NLRC4: variants seen among roughly 807,000 people sequenced by gnomAD.
NLRC4 encodes the protein NLR family CARD domain-containing protein 4.
A neutral mutation model predicts 79.9 loss-of-function variants in NLRC4; 63 were observed. The observed-to-expected ratio is 0.79, with a 90% CI of 0.64 to 0.97. NLRC4 has a LOEUF of 0.97. Ranked by LOEUF, NLRC4 falls within the 50% of genes least tolerant of loss-of-function variation. The pLI is 0.00. For synonymous variants in NLRC4, 461 were observed against 456.5 expected, an observed-to-expected ratio of 1.01 and a Z score of -0.12; for missense variants, 1,074 against 1,215.2, an observed-to-expected ratio of 0.88 and a Z score of 1.73.
In NLRC4 at chr2:32,224,490, T is replaced by G; in HGVS notation, c.3058A>C (p.Lys1020Gln). ...DDLSVITGAF[K>Q]LVTA The stretch of plus-strand genomic sequence containing the variant: ...CACTTTATTTAAGCAGTTACTAGTT[T>G]AAAAGCACCTGTAATAACACTGAGA... Residue 1020 changes from lysine (K) to glutamine (Q), a missense_variant, in exon 9 of 9, where the codon AAA (lysine) becomes CAA (glutamine). Physicochemically the swap from Lys to Gln is moderately conservative, Grantham distance 53. Transcript: ENST00000402280. 6.2e-7 allele frequency: 1 copy of G among 1,604,488 alleles called. No individual in the cohort carries two copies. Among genetic ancestry groups the G allele is most frequent in the Non-Finnish European group, 8.5e-7 (1 of 1,175,526 alleles).
chr2:32,250,362 G>A lies in NLRC4; in HGVS notation c.1502C>T (p.Ala501Val). Residue 501 changes from alanine to valine, a missense_variant, in exon 4 of 9, where the codon GCC becomes GTC. Transcript: ENST00000402280. The surrounding 1 kb of genome is among the most constrained non-coding windows in gnomAD (Gnocchi z 4.9). Reference sequence around the variant, plus strand: ...GAGGTGCTTCATAACAGCCCTGGTGGCTTCCACAGATGACCCACAGGTGTA... The same window carrying A: ...GAGGTGCTTCATAACAGCCCTGGTGACTTCCACAGATGACCCACAGGTGTA... ...LRYTCGSSVE[A>V]TRAVMKHLAA... is the part of the protein sequence containing the mutation. 1 of 1,614,190 alleles carries A rather than the reference G, an allele frequency of 6.2e-7. No individual in the cohort carries two copies. The highest frequency in any genetic ancestry group is 8.5e-7 in the Non-Finnish European group (1 of 1,180,034).
chr2:32,259,262 A>ATTTTTTTTTTTTTT lies in NLRC4; in HGVS notation c.-118-2383_-118-2370dup, dbSNP rs57570626. On this transcript the variant is annotated intron_variant, in intron 1 of 8. Coordinates refer to ENST00000402280, the MANE Select transcript of NLRC4 (RefSeq NM_001199138.2). ...AGGTGTGTGCCACCATGCCTGGCTA[A>ATTTTTTTTTTTTTT]TTTTTTTTTTTTTTTTTTTTTTTTT... Among the ~76,000 whole-genome samples the ATTTTTTTTTTTTTT allele has an allele frequency of 1.7e-4, 9 of 52,894 alleles. 1 individual carries two copies. The highest frequency in any genetic ancestry group is 9.1e-3 in the Middle Eastern group (1 of 110). The allele number at this position is 52,894 out of a possible 152,430, so 34.7% of individuals were successfully genotyped here. A position where few individuals can be genotyped will look rare whatever the true frequency, so the allele number is the denominator to read the frequency against.
intron 8 of NLRC4, among the ~76,000 whole-genome samples, chr2:32,226,924 C>A (rs940943237): frequency 1.3e-5 from 2 of 151,964 alleles, no homozygotes; most frequent in Admixed American, 6.6e-5. Flanking sequence ...TAGTTGTTCC[C>A]AAAACTGTCT....
rs777502913 is a variant in NLRC4 at position 32,249,953 on chromosome 2, T to C, written c.1911A>G (p.Glu637=). The stretch of plus-strand genomic sequence containing the variant: ...TGGGAATGTAGGTTTCTGGGGCCTC[T>C]TCCATGTGGATTCCACCTGTGTCTT... ...AAEDTGGIHM[E]EAPETYIPSR... is the part of the protein sequence containing the mutation. Residue 637 remains glutamate (E), a synonymous_variant, in exon 4 of 9, where the codon GAA becomes GAG. Transcript: ENST00000402280. 2 of 1,614,206 alleles carry C rather than the reference T, an allele frequency of 1.2e-6. No homozygotes were observed. Among genetic ancestry groups the C allele is most frequent in the Non-Finnish European group, 8.5e-7 (1 of 1,180,042 alleles).
At chr2:32,261,919 A>G (rs998421602) in intron 1 of NLRC4, among the ~76,000 whole-genome samples, 1 of 151,400 alleles carries the variant, frequency 6.6e-6, no homozygotes. Flanking sequence ...CGTCTCTACT[A>G]AAAATACAAG....
chr2:32,263,624 G>A (rs1280161475), intron 1 of NLRC4, among the ~76,000 whole-genome samples: 1 of 152,124 alleles, frequency 6.6e-6, no homozygotes, highest in East Asian at 1.9e-4. Flanking sequence ...AGGAAATCGG[G>A]ACACACAAAG....
At chr2:32,234,094 A>T (rs1686617391) in intron 8 of NLRC4, among the ~76,000 whole-genome samples, 1 of 152,124 alleles carries the variant, frequency 6.6e-6, no homozygotes, top group Admixed American at 6.5e-5. Context: ...AAAACAGTTT[A>T]AATAGGGCCG....
chr2:32,251,375 G>T lies in NLRC4; in HGVS notation c.489C>A (p.Ser163Arg), dbSNP rs1415927391. The T allele has an allele frequency of 6.2e-7, 1 of 1,614,060 alleles. No homozygotes were observed. The highest frequency in any genetic ancestry group is 8.5e-7 in the Non-Finnish European group (1 of 1,179,922). The change falls in exon 4 of 9, where the codon AGC (serine) becomes AGA (arginine). Residue 163 changes from serine to arginine, a missense_variant. Ser to Arg is a moderately radical substitution (Grantham distance 110). Transcript: ENST00000402280. The stretch of plus-strand genomic sequence containing the variant: ...CAGATTCCCCTTCAATGATGCAGGG[G>T]CTCTGAAGAGCCTGCAGGAGGCCAT... ...TLNGLLQALQSPCIIEGESGK... is the reference protein window; with the variant it reads ...TLNGLLQALQRPCIIEGESGK...
At position 32,250,314 on chromosome 2, in the gene NLRC4, C is replaced by T; in HGVS notation, c.1550G>A (p.Cys517Tyr). The change falls in exon 4 of 9, where the codon TGC becomes TAC. Residue 517 changes from cysteine to tyrosine, a missense_variant. Physicochemically the swap from Cys to Tyr is radical, Grantham distance 194. Coordinates refer to ENST00000402280, the MANE Select transcript of NLRC4 (RefSeq NM_001199138.2). The surrounding 1 kb of genome is among the most constrained non-coding windows in gnomAD (Gnocchi z 4.9). ...CTTGGCGATGGAAAGTCCGAGAAGGCAGCCGTGTTGATACACTGCTGCGAG... is the reference window on the plus strand; with the variant it reads ...CTTGGCGATGGAAAGTCCGAGAAGGTAGCCGTGTTGATACACTGCTGCGAG... ...KHLAAVYQHG[C>Y]LLGLSIAKRP... 25 of 1,614,200 alleles carry T rather than the reference C, an allele frequency of 1.5e-5. No individual in the cohort carries two copies. The highest frequency in any genetic ancestry group is 2.1e-5 in the Non-Finnish European group (25 of 1,180,040).
At chr2:32,226,595 CAG>C (rs777190154) in intron 8 of NLRC4, among the ~76,000 whole-genome samples, 3 of 152,154 alleles carry the variant, frequency 2.0e-5, no homozygotes, top group African/African-American at 4.8e-5. Flanking sequence ...AAAAGTGAGA[CAG>C]AGGCCGGGTG....
Position 32,250,466 on chromosome 2 carries a change from C to G in NLRC4, c.1398G>C (p.Glu466Asp). Reference sequence around the variant, plus strand: ...GCAAGTAACCATTCCCCTTGGTCACCTCCTCTGGCTCATGAGACGTCAATA... The same window carrying G: ...GCAAGTAACCATTCCCCTTGGTCACGTCCTCTGGCTCATGAGACGTCAATA... ...SSLLTSHEPE[E>D]VTKGNGYLQK... Residue 466 changes from glutamate to aspartate, a missense_variant, in exon 4 of 9, where the codon GAG becomes GAC. Coordinates refer to ENST00000402280, the MANE Select transcript of NLRC4 (RefSeq NM_001199138.2). The surrounding 1 kb of genome is among the most constrained non-coding windows in gnomAD (Gnocchi z 4.9). The G allele has an allele frequency of 6.2e-7, 1 of 1,614,222 alleles. No individual in the cohort carries two copies. Among genetic ancestry groups the G allele is most frequent in the South Asian group, 1.1e-5 (1 of 91,080 alleles).
At chr2:32,255,285 C>T (rs1161089464) in intron 2 of NLRC4, among the ~76,000 whole-genome samples, 1 of 152,102 alleles carries the variant, frequency 6.6e-6, no homozygotes, top group Admixed American at 6.5e-5. Context: ...CTTTGGAAGG[C>T]TGAGGTGGGC....
chr2:32,261,066 G>T (rs1201758639), intron 1 of NLRC4, among the ~76,000 whole-genome samples: 3 of 151,234 alleles, frequency 2.0e-5, no homozygotes, highest in Admixed American at 6.6e-5. Flanking sequence ...GGTGGTGGGC[G>T]CCTGTAGTCC....
chr2:32,230,781 C>T (rs1438832493), intron 8 of NLRC4, among the ~76,000 whole-genome samples: 1 of 152,052 alleles, frequency 6.6e-6, no homozygotes, highest in Non-Finnish European at 1.5e-5. Flanking sequence ...ATCTTGAGTA[C>T]CTAGGAAGAG....
chr2:32,233,342 TATATA>T (rs1444279296), intron 8 of NLRC4, among the ~76,000 whole-genome samples: 3 of 46,044 alleles, frequency 6.5e-5, no homozygotes, highest in African/African-American at 1.1e-4. Flanking sequence ...TATATATATA[TATATA>T]TATTTTTTTT....
intron 4 of NLRC4, among the ~76,000 whole-genome samples, chr2:32,244,164 C>T (rs745836352): frequency 6.6e-6 from 1 of 152,120 alleles, no homozygotes; most frequent in African/African-American, 2.4e-5. Context: ...GTGGGTGGAT[C>T]TGTTGAGCCC....
intron 1 of NLRC4, among the ~76,000 whole-genome samples, chr2:32,264,332 G>C (rs1458164659): frequency 1.3e-5 from 2 of 151,354 alleles, no homozygotes; most frequent in African/African-American, 4.9e-5. Context: ...TACTTGGGAG[G>C]CTGAGGCAGG....
intron 5 of NLRC4, among the ~76,000 whole-genome samples, chr2:32,238,653 A>G (rs1686725663): frequency 9.6e-6 from 1 of 104,104 alleles, no homozygotes; most frequent in African/African-American, 3.7e-5. Flanking sequence ...CTTCTCAAAA[A>G]TCTTAAACAG....
chr2:32,226,205 A>G (rs937002115), intron 8 of NLRC4, among the ~76,000 whole-genome samples: 2 of 152,218 alleles, frequency 1.3e-5, no homozygotes, highest in African/African-American at 4.8e-5. Context: ...CACTGAAACT[A>G]TACCCTTACC....
Sources: allele counts gnomAD v4.1 joint callset (sites outside exome capture counted in the v4.1 genomes callset), GRCh38; gene constraint gnomAD v4.1.1; non-coding constraint Gnocchi (gnomAD v3.1); transcripts MANE v1.5; gene names NCBI Gene and HGNC (gene_info 2026-07-23, HGNC 2026-07-21).